Variants in KMO observed in about 807,000 individuals in gnomAD.
KMO encodes kynurenine 3-monooxygenase.
KMO carries 24 observed loss-of-function variants against 57.8 expected under a neutral mutation model. The observed-to-expected ratio is 0.42, with a 90% CI of 0.30 to 0.58. The LOEUF (loss-of-function observed/expected upper bound fraction) is 0.58. Among genes scored for constraint, KMO ranks in the 20% least tolerant of loss-of-function variants. KMO has a pLI of 0.22. For missense variants in KMO, 483 were observed against 588.2 expected (o/e 0.82, Z 1.85); for synonymous variants, 210 against 193.6 (o/e 1.08, Z -0.70).
chr1:241,546,551 T>C (rs1387890198), intron 1 of KMO, among the ~76,000 whole-genome samples: 1 of 151,886 alleles, frequency 6.6e-6, no homozygotes, highest in Admixed American at 6.6e-5. Flanking sequence ...AAGGTGAAAA[T>C]GAAAAGAGAT....
chr1:241,560,059 A>G (rs558519342), intron 5 of KMO, among the ~76,000 whole-genome samples: 1 of 152,378 alleles, frequency 6.6e-6, no homozygotes, highest in East Asian at 1.9e-4. Flanking sequence ...TAGTTCATAA[A>G]TTGAAATTCA....
chr1:241,535,171 A>G (rs1660714256), intron 1 of KMO, among the ~76,000 whole-genome samples: 1 of 152,170 alleles, frequency 6.6e-6, no homozygotes. Context: ...TATTTTTAAA[A>G]GTATTGACTA....
intron 1 of KMO, among the ~76,000 whole-genome samples, chr1:241,538,676 C>T (rs912303235): frequency 6.6e-6 from 1 of 152,182 alleles, no homozygotes; most frequent in South Asian, 2.1e-4. Context: ...ATATGAAAAA[C>T]TCTCATTAGT....
At chr1:241,548,495 T>C (rs932072698) in intron 1 of KMO, among the ~76,000 whole-genome samples, 2 of 151,912 alleles carry the variant, frequency 1.3e-5, no homozygotes, top group Admixed American at 1.3e-4. Context: ...ATAAGGGATA[T>C]AAGGCTATAA....
chr1:241,549,274 GAA>G (rs1558415024), intron 2 of KMO, among the ~76,000 whole-genome samples: 11 of 44,326 alleles, frequency 2.5e-4, no homozygotes, highest in African/African-American at 3.0e-4. Flanking sequence ...AGAAAGGAAG[GAA>G]GAAAGAAAGA....
chr1:241,538,930 T>C (rs1660848606), intron 1 of KMO, among the ~76,000 whole-genome samples: 2 of 152,212 alleles, frequency 1.3e-5, no homozygotes, highest in African/African-American at 4.8e-5. Flanking sequence ...TACTCTCAGA[T>C]TATTTCCCTT....
chr1:241,532,549 T>C (rs1660614984), intron 1 of KMO, 51 bp downstream of exon 1: 2 of 1,303,706 alleles, frequency 1.5e-6, no homozygotes, highest in Non-Finnish European at 2.2e-6. Flanking sequence ...TATTAACTAT[T>C]ATTACTCGTA....
rs887480764 is a variant in KMO at position 241,592,858 on chromosome 1, T to C, written c.*705T>C. The C allele has an allele frequency of 1.3e-5, 2 of 155,114 alleles. No individual in the cohort carries two copies. The highest frequency in any genetic ancestry group is 2.9e-5 in the Non-Finnish European group (2 of 69,878). 9.6% of individuals were successfully genotyped at this position (155,114 alleles called of 1,614,324 possible). On this transcript the variant is annotated 3_prime_UTR_variant, in exon 15 of 15. Coordinates refer to ENST00000366559, the MANE Select transcript of KMO (RefSeq NM_003679.5). ...CTCTGTTGACCAGGCTGGAGTGCAG[T>C]GGTGAGATCTGGGTTCACTGCAACC...
chr1:241,558,160 C>A (rs1661708766), intron 5 of KMO, among the ~76,000 whole-genome samples: 1 of 152,200 alleles, frequency 6.6e-6, no homozygotes, highest in Non-Finnish European at 1.5e-5. Flanking sequence ...ATTATGACTT[C>A]TGCCTCCAAT....
chr1:241,565,074 T>A lies in KMO; in HGVS notation c.687+16T>A, dbSNP rs1246383198. ...TCCTAACATGGTAGTATAGAATTTT[T>A]TATCAACTGTAATTTTGCATTTGTA... On this transcript the variant is annotated intron_variant, in intron 8 of 14. Coordinates refer to ENST00000366559, the MANE Select transcript of KMO (RefSeq NM_003679.5). 5.5e-6 allele frequency: 8 copies of A among 1,443,140 alleles called. No homozygotes were observed. Among genetic ancestry groups the A allele is most frequent in the Non-Finnish European group, 7.8e-6 (8 of 1,026,990 alleles). The allele number at this position is 1,443,140 out of a possible 1,614,324, so 89.4% of individuals were successfully genotyped here. A position where few individuals can be genotyped will look rare whatever the true frequency, so the allele number is the denominator to read the frequency against.
intron 3 of KMO, chr1:241,550,149 A>G (rs1048526434): frequency 6.2e-6 from 1 of 160,780 alleles, no homozygotes; most frequent in African/African-American, 2.4e-5. Flanking sequence ...GACTCTGAAA[A>G]TAGAAAGCTT....
intron 1 of KMO, among the ~76,000 whole-genome samples, chr1:241,533,826 G>A (rs113474732): frequency 6.4e-4 from 97 of 152,312 alleles, no homozygotes; most frequent in African/African-American, 2.3e-3. Context: ...TTAGAATGTG[G>A]TCAGGGACAG....
intron 2 of KMO, 55 bp downstream of exon 2, chr1:241,548,953 C>G: frequency 1.7e-6 from 2 of 1,162,842 alleles, no homozygotes; most frequent in Non-Finnish European, 2.6e-6. Flanking sequence ...GCTCCTGGCA[C>G]TTTGGGAGGC....
At chr1:241,543,802 C>T (rs11587924) in intron 1 of KMO, among the ~76,000 whole-genome samples, 46,424 of 152,098 alleles carry the variant, frequency 0.31, 7,961 homozygotes, top group Non-Finnish European at 0.39. Context: ...CCCGAGATCC[C>T]TTATTCTCCC....
chr1:241,579,516 G>C (rs1446305924), intron 10 of KMO, among the ~76,000 whole-genome samples: 1 of 152,106 alleles, frequency 6.6e-6, no homozygotes. Flanking sequence ...AGTTTGCCCA[G>C]CAATTAGGGA....
In KMO at chr1:241,565,581, T is replaced by G. The variant is rs1304289064; in HGVS notation, c.687+523T>G. ...ACTAAAAAAAAAAAAAAAAAAAAAATGCCAGGCATGGTGACACGTGCATCC... is the reference window on the plus strand; with the variant it reads ...ACTAAAAAAAAAAAAAAAAAAAAAAGGCCAGGCATGGTGACACGTGCATCC... On this transcript the variant is annotated intron_variant, in intron 8 of 14. Transcript: ENST00000366559. Among the ~76,000 whole-genome samples, 531 of 124,138 alleles carry G rather than the reference T, an allele frequency of 4.3e-3. 7 individuals carry two copies. The highest frequency in any genetic ancestry group is 0.015 in the African/African-American group (510 of 33,604). The allele number at this position is 124,138 out of a possible 152,430, so 81.4% of individuals were successfully genotyped here.
rs779550491 is a variant in KMO at position 241,588,796 on chromosome 1, C to G, written c.1064C>G (p.Ala355Gly). ...FSRLRIPDDH[A>G]ISDLSMYNYI... The stretch of plus-strand genomic sequence containing the variant: ...AGATTGAGAATCCCAGATGATCACG[C>G]GATTTCAGACCTATCCATGTACAAT... Residue 355 changes from alanine to glycine, a missense_variant, in exon 12 of 15, where the codon GCG becomes GGG. Around this residue, in one of 3 missense-constraint regions of KMO, gnomAD observed 410 missense variants for 492.3 expected, o/e 0.83. Transcript: ENST00000366559. 6 of 1,613,332 alleles carry G rather than the reference C, an allele frequency of 3.7e-6. No homozygotes were observed. The highest frequency in any genetic ancestry group is 1.1e-5 in the South Asian group (1 of 91,070).
In KMO at chr1:241,586,709, T is replaced by G; in HGVS notation, c.988T>G (p.Leu330Val). 1 of 1,606,352 alleles carries G rather than the reference T, an allele frequency of 6.2e-7. No individual in the cohort carries two copies. The highest frequency in any genetic ancestry group is 8.5e-7 in the Non-Finnish European group (1 of 1,177,108). The change falls in exon 11 of 15, where the codon TTA becomes GTA. Residue 330 changes from leucine (L) to valine (V), a missense_variant. This residue lies in a region of KMO where 410 missense variants were observed against 492.3 expected (regional missense o/e 0.83). Coordinates refer to ENST00000366559, the MANE Select transcript of KMO (RefSeq NM_003679.5). ...GFEDCLVFDE[L>V]MDKFSNDLSL... ...TGAAGACTGCTTGGTATTTGATGAG[T>G]TAATGGATAAATTCAGTAACGACCT...
At chr1:241,560,984 T>C (rs1661814918) in intron 6 of KMO, among the ~76,000 whole-genome samples, 1 of 152,202 alleles carries the variant, frequency 6.6e-6, no homozygotes, top group Admixed American at 6.5e-5. Context: ...TACTGTACTG[T>C]ATTCCACACT....
Sources: gnomAD v4.1 joint callset for allele counts (sites outside exome capture counted in the v4.1 genomes callset) on GRCh38, gnomAD v4.1.1 for gene constraint, gnomAD v4.1.1 regional missense constraint, MANE v1.5 for transcripts, NCBI Gene and HGNC (gene_info 2026-07-23, HGNC 2026-07-21) for gene names.